Variants in UBE2E2 observed in about 807,000 individuals in gnomAD.
The protein encoded by UBE2E2 is ubiquitin-conjugating enzyme E2 E2.
Under a neutral mutation model 24.7 loss-of-function variants are expected in UBE2E2, and 6 were observed. The ratio of observed to expected loss-of-function variants is 0.24; its 90% CI spans 0.13 to 0.48. The LOEUF (loss-of-function observed/expected upper bound fraction) is 0.48. Among genes scored for constraint, UBE2E2 ranks in the 20% least tolerant of loss-of-function variants. UBE2E2 has a pLI of 0.99. For missense variants in UBE2E2, 169 were observed against 245.0 expected, an observed-to-expected ratio of 0.69 and a Z score of 2.07; for synonymous variants, 104 against 83.6, an observed-to-expected ratio of 1.24 and a Z score of -1.33.
chr3:23,406,843 GA>G (rs1414097347), intron 3 of UBE2E2, among the ~76,000 whole-genome samples: 1 of 152,170 alleles, frequency 6.6e-6, no homozygotes, highest in Non-Finnish European at 1.5e-5. Context: ...AGCAACACTT[GA>G]TACCTCCCTA....
At chr3:23,584,628 A>C (rs1696568732) in intron 5 of UBE2E2, among the ~76,000 whole-genome samples, 1 of 150,056 alleles carries the variant, frequency 6.7e-6, no homozygotes. Context: ...ATCATGGCTC[A>C]CTGTAATCAC....
At chr3:23,255,547 G>A (rs1697697949) in intron 3 of UBE2E2, among the ~76,000 whole-genome samples, 1 of 152,114 alleles carries the variant, frequency 6.6e-6, no homozygotes, top group Non-Finnish European at 1.5e-5. Context: ...GCAGCTCAAA[G>A]GGGATTGAGA....
At chr3:23,520,607 A>G (rs1694841672) in intron 4 of UBE2E2, among the ~76,000 whole-genome samples, 1 of 152,184 alleles carries the variant, frequency 6.6e-6, no homozygotes. Flanking sequence ...AATAGCTGTA[A>G]ATTTACTTAT....
intron 5 of UBE2E2, among the ~76,000 whole-genome samples, chr3:23,550,084 C>G (rs6800822): frequency 1.3e-5 from 2 of 150,796 alleles, no homozygotes; most frequent in East Asian, 3.9e-4. Flanking sequence ...TTAGATAACT[C>G]CTTTATAGTT....
chr3:23,527,021 C>T (rs1317692261), intron 4 of UBE2E2, among the ~76,000 whole-genome samples: 1 of 152,040 alleles, frequency 6.6e-6, no homozygotes, highest in Non-Finnish European at 1.5e-5. Flanking sequence ...AAAGATGTGA[C>T]AAACTGTAGA....
chr3:23,435,286 A>G (rs1034422841), intron 3 of UBE2E2, among the ~76,000 whole-genome samples: 10 of 152,246 alleles, frequency 6.6e-5, no homozygotes, highest in African/African-American at 2.4e-4. Flanking sequence ...ACACACAATA[A>G]TAACTGCTAG....
At chr3:23,295,908 T>C (rs532304491) in intron 3 of UBE2E2, among the ~76,000 whole-genome samples, 2 of 152,312 alleles carry the variant, frequency 1.3e-5, no homozygotes, top group East Asian at 3.9e-4. Context: ...CAAGCCACCC[T>C]TTCCTGCCAC....
rs58638187 is a variant in UBE2E2 at position 23,415,748 on chromosome 3, T to C, written c.228-83860T>C. Reference sequence around the variant, plus strand: ...ATATTTCTGAAATTATATTCTTCTTTTTTATTATTATTATACTTTAAGTTC... The same window carrying C: ...ATATTTCTGAAATTATATTCTTCTTCTTTATTATTATTATACTTTAAGTTC... On this transcript the variant is annotated intron_variant, in intron 3 of 5. Coordinates refer to ENST00000396703, the MANE Select transcript of UBE2E2 (RefSeq NM_152653.4). Among the ~76,000 whole-genome samples, 99 of 152,314 alleles carry C rather than the reference T, an allele frequency of 6.5e-4. 5 individuals carry two copies. In the East Asian group the frequency reaches 0.016, roughly 24 times the overall value.
chr3:23,548,093 A>G (rs1449031533), intron 5 of UBE2E2, among the ~76,000 whole-genome samples: 1 of 152,096 alleles, frequency 6.6e-6, no homozygotes, highest in Non-Finnish European at 1.5e-5. Context: ...TTTTATATAC[A>G]TATGTTCTCA....
intron 3 of UBE2E2, among the ~76,000 whole-genome samples, chr3:23,345,213 TG>T (rs1405588041): frequency 6.6e-6 from 1 of 152,216 alleles, no homozygotes; most frequent in Non-Finnish European, 1.5e-5. Flanking sequence ...TAACTATTAT[TG>T]TAGCAAACAG....
intron 3 of UBE2E2, among the ~76,000 whole-genome samples, chr3:23,419,326 G>T (rs974595454): frequency 6.6e-6 from 1 of 151,988 alleles, no homozygotes. Context: ...GCTGTCTCTG[G>T]CTATGCTGAT....
In UBE2E2 at chr3:23,530,912, G is replaced by A. The variant is rs188246729; in HGVS notation, c.361-1642G>A. 1.2e-4 allele frequency among the ~76,000 whole-genome samples: 19 copies of A among 152,138 alleles called. No individual in the cohort carries two copies. The East Asian group carries it at 1.9e-3, about 15-fold the overall frequency. Reference sequence around the variant, plus strand: ...GGCAGGTGCAGTCTCAGCTTGTTGCGCTTACTATAATTTTTGGTTTTTAAT... The same window carrying A: ...GGCAGGTGCAGTCTCAGCTTGTTGCACTTACTATAATTTTTGGTTTTTAAT... On this transcript the variant is annotated intron_variant, in intron 4 of 5. Transcript: ENST00000396703.
intron 3 of UBE2E2, among the ~76,000 whole-genome samples, chr3:23,303,899 G>C (rs1699174328): frequency 6.6e-6 from 1 of 152,118 alleles, no homozygotes; most frequent in African/African-American, 2.4e-5. Flanking sequence ...CTGCTCTCCT[G>C]GGCAAATTTC....
At chr3:23,383,657 C>G (rs1423876527) in intron 3 of UBE2E2, among the ~76,000 whole-genome samples, 1 of 151,672 alleles carries the variant, frequency 6.6e-6, no homozygotes, top group Admixed American at 6.6e-5. Context: ...TTTTGTTTTA[C>G]AAGTGTTGGG....
chr3:23,357,965 A>G (rs1362112663), intron 3 of UBE2E2, among the ~76,000 whole-genome samples: 1 of 152,168 alleles, frequency 6.6e-6, no homozygotes, highest in Non-Finnish European at 1.5e-5. Context: ...CCTTCCAGGT[A>G]GCTGGGACTG....
intron 3 of UBE2E2, among the ~76,000 whole-genome samples, chr3:23,297,427 G>A (rs1214949737): frequency 6.6e-6 from 1 of 152,156 alleles, no homozygotes; most frequent in East Asian, 1.9e-4. Flanking sequence ...TTCCTCTAGG[G>A]TTTTTATGGT....
rs1253677649 is a variant in UBE2E2 at position 23,474,762 on chromosome 3, C to G, written c.228-24846C>G. On this transcript the variant is annotated intron_variant, in intron 3 of 5. Transcript: ENST00000396703. The surrounding 1 kb of genome is among the most constrained non-coding windows in gnomAD (Gnocchi z 4.0). ...CTTTCCTCCTTCCTTCCTGTCACAG[C>G]AGAAAAGGTGTCAGTGCTTCTGTCT... Among the ~76,000 whole-genome samples the G allele has an allele frequency of 6.6e-6, 1 of 152,030 alleles. No homozygotes were observed. Among genetic ancestry groups the G allele is most frequent in the East Asian group, 1.9e-4 (1 of 5,200 alleles).
At chr3:23,240,355 C>T (rs530379877) in intron 3 of UBE2E2, among the ~76,000 whole-genome samples, 4 of 152,058 alleles carry the variant, frequency 2.6e-5, no homozygotes, top group Non-Finnish European at 5.9e-5. Flanking sequence ...ATTTTTTTTC[C>T]TATGTGGTAA....
At chr3:23,440,999 C>T (rs1207808616) in intron 3 of UBE2E2, among the ~76,000 whole-genome samples, 1 of 152,100 alleles carries the variant, frequency 6.6e-6, no homozygotes, top group East Asian at 1.9e-4. Flanking sequence ...TTAAAAATCC[C>T]TTGCCACTGA....
Sources: allele counts gnomAD v4.1 joint callset (sites outside exome capture counted in the v4.1 genomes callset), GRCh38; gene constraint gnomAD v4.1.1; non-coding constraint Gnocchi (gnomAD v3.1); transcripts MANE v1.5; gene names NCBI Gene and HGNC (gene_info 2026-07-23, HGNC 2026-07-21).